The following VPS13B variants were observed in gnomAD, a reference collection of about 807,000 sequenced individuals.
VPS13B encodes the protein vacuolar protein sorting 13 homolog B.
In VPS13B, 285 loss-of-function variants were observed where a neutral mutation model predicts 426.4. The observed-to-expected ratio is 0.67, with a 90% CI of 0.61 to 0.74. VPS13B has a LOEUF of 0.74. Among genes scored for constraint, VPS13B ranks in the 30% least tolerant of loss-of-function variants. The pLI is 0.00. For missense variants in VPS13B, 4,537 were observed against 4,782.6 expected, an observed-to-expected ratio of 0.95 and a Z score of 1.51; for synonymous variants, 1,676 against 1,676.4, an observed-to-expected ratio of 1.00 and a Z score of 0.01.
chr8:99,265,777 A>C (rs1424545611), intron 17 of VPS13B, among the ~76,000 whole-genome samples: 4 of 152,178 alleles, frequency 2.6e-5, no homozygotes, highest in Non-Finnish European at 5.9e-5. Context: ...GGCTTATTGC[A>C]GGATCTATTT....
chr8:99,399,772 T>C (rs1046522721), intron 21 of VPS13B, among the ~76,000 whole-genome samples: 1 of 152,214 alleles, frequency 6.6e-6, no homozygotes, highest in Non-Finnish European at 1.5e-5. Context: ...TATGTCTCCA[T>C]GTGTGCCGTG....
At chr8:99,078,200 CT>C (rs1845242712) in intron 3 of VPS13B, among the ~76,000 whole-genome samples, 1 of 150,726 alleles carries the variant, frequency 6.6e-6, no homozygotes, top group South Asian at 2.1e-4. Flanking sequence ...TAGTGTGTTG[CT>C]TTGGAGGTGT....
At chr8:99,683,790 C>G (rs987258109) in intron 35 of VPS13B, among the ~76,000 whole-genome samples, 1 of 152,210 alleles carries the variant, frequency 6.6e-6, no homozygotes, top group African/African-American at 2.4e-5. Flanking sequence ...TGGACAATTA[C>G]GTCATCTGCA....
At position 99,086,057 on chromosome 8, in the gene VPS13B, C is replaced by T. The variant is rs1588017175; in HGVS notation, c.292-10255C>T. 3.3e-5 allele frequency among the ~76,000 whole-genome samples: 5 copies of T among 152,300 alleles called. No individual in the cohort carries two copies. The South Asian group carries it at 1.0e-3, about 32-fold the overall frequency. Reference sequence around the variant, plus strand: ...TGTATAATATCCTGCAGAGTGTTTTCCAACTTGTTTCCATTCTCCCTGTCA... The same window carrying T: ...TGTATAATATCCTGCAGAGTGTTTTTCAACTTGTTTCCATTCTCCCTGTCA... On this transcript the variant is annotated intron_variant, in intron 3 of 61. Transcript: ENST00000357162.
At chr8:99,249,749 C>CCA (rs1190368253) in intron 17 of VPS13B, among the ~76,000 whole-genome samples, 1 of 152,124 alleles carries the variant, frequency 6.6e-6, no homozygotes, top group Admixed American at 6.5e-5. Flanking sequence ...AAAGAAGCTG[C>CCA]CAAACTTGGG....
chr8:99,469,930 G>A (rs193019734), intron 24 of VPS13B, among the ~76,000 whole-genome samples: 1 of 152,274 alleles, frequency 6.6e-6, no homozygotes, highest in Admixed American at 6.5e-5. Flanking sequence ...GGAGCTGTAA[G>A]CCAAGGAGCA....
intron 19 of VPS13B, among the ~76,000 whole-genome samples, chr8:99,333,390 G>T (rs1452435728): frequency 6.6e-6 from 1 of 151,668 alleles, no homozygotes; most frequent in Non-Finnish European, 1.5e-5. Flanking sequence ...AGGATCCTAT[G>T]TATCTTCTTC....
At position 99,031,019 on chromosome 8, in the gene VPS13B, T is replaced by C. The variant is rs2132193376; in HGVS notation, c.148-7404T>C. On this transcript the variant is annotated intron_variant, in intron 2 of 61. Transcript: ENST00000357162. ...GACGTAGGCTGTAGGAACTTTTGTTTATATCAGTTAGCCTAGGTAAAATTA... is the reference window on the plus strand; with the variant it reads ...GACGTAGGCTGTAGGAACTTTTGTTCATATCAGTTAGCCTAGGTAAAATTA... 2.6e-5 allele frequency among the ~76,000 whole-genome samples: 4 copies of C among 152,338 alleles called. 1 individual carries two copies. The highest frequency in any genetic ancestry group is 2.6e-4 in the Admixed American group (4 of 15,308).
chr8:99,755,403 GA>G (rs1444124284), intron 39 of VPS13B, among the ~76,000 whole-genome samples: 4 of 152,148 alleles, frequency 2.6e-5, no homozygotes, highest in African/African-American at 9.7e-5. Flanking sequence ...GCCACACAAT[GA>G]AAATTACAAA....
intron 16 of VPS13B, among the ~76,000 whole-genome samples, chr8:99,188,053 A>ATTTTTTTTT (rs60360700): frequency 4.4e-5 from 5 of 112,776 alleles, no homozygotes; most frequent in African/African-American, 6.7e-5. Context: ...TTGTTTGGAC[A>ATTTTTTTTT]TTTTTTTTTT....
chr8:99,729,464 G>A (rs962720550), intron 39 of VPS13B, among the ~76,000 whole-genome samples: 1 of 152,152 alleles, frequency 6.6e-6, no homozygotes, highest in African/African-American at 2.4e-5. Context: ...GTTAGGCAAG[G>A]TCCTTTGTCT....
chr8:99,494,775 T>C (rs750923621), intron 25 of VPS13B, among the ~76,000 whole-genome samples: 84 of 152,212 alleles, frequency 5.5e-4, no homozygotes, highest in Non-Finnish European at 9.4e-4. Flanking sequence ...TATTTTGAAG[T>C]TTACCATAAT....
At chr8:99,271,807 T>C (rs1166100519) in intron 17 of VPS13B, among the ~76,000 whole-genome samples, 1 of 152,180 alleles carries the variant, frequency 6.6e-6, no homozygotes, top group Non-Finnish European at 1.5e-5. Context: ...CTCACTATCA[T>C]GAGAACAGCA....
chr8:99,299,450 A>G (rs1385504891), intron 19 of VPS13B, among the ~76,000 whole-genome samples: 4 of 152,334 alleles, frequency 2.6e-5, no homozygotes, highest in South Asian at 4.1e-4. Context: ...TTATGCACAT[A>G]AAGTATGTAG....
At chr8:99,461,350 AT>A (rs1467900443) in intron 23 of VPS13B, among the ~76,000 whole-genome samples, 3 of 152,260 alleles carry the variant, frequency 2.0e-5, no homozygotes, top group East Asian at 1.9e-4. Context: ...GTATGATTAC[AT>A]ACTCTCTCAG....
At chr8:99,783,765 G>C (rs193094248) in intron 42 of VPS13B, among the ~76,000 whole-genome samples, 3 of 152,160 alleles carry the variant, frequency 2.0e-5, no homozygotes, top group Admixed American at 2.0e-4. Flanking sequence ...TAACAATAGA[G>C]GGAAAGTTAT....
intron 35 of VPS13B, among the ~76,000 whole-genome samples, chr8:99,681,140 T>C (rs1261239612): frequency 6.6e-6 from 1 of 152,200 alleles, no homozygotes; most frequent in Non-Finnish European, 1.5e-5. Context: ...ATGTGAAAGT[T>C]CAGAGAAACA....
intron 54 of VPS13B, among the ~76,000 whole-genome samples, chr8:99,840,296 A>C (rs926108625): frequency 2.0e-4 from 31 of 152,258 alleles, no homozygotes; most frequent in African/African-American, 7.5e-4. Context: ...ATGACTTGCT[A>C]TACAGTTGAC....
At chr8:99,783,003 A>T (rs1812091333) in intron 42 of VPS13B, among the ~76,000 whole-genome samples, 1 of 152,144 alleles carries the variant, frequency 6.6e-6, no homozygotes, top group South Asian at 2.1e-4. Context: ...CCTCTGGAAG[A>T]ATAAGGTATG....
Sources: allele counts gnomAD v4.1 joint callset (sites outside exome capture counted in the v4.1 genomes callset), GRCh38; gene constraint gnomAD v4.1.1; transcripts MANE v1.5; gene names NCBI Gene and HGNC (gene_info 2026-07-23, HGNC 2026-07-21).